The following SLC1A1 variants were observed in gnomAD, a reference collection of about 807,000 sequenced individuals.
SLC1A1 encodes solute carrier family 1 member 1, also known as excitatory amino acid transporter 3.
SLC1A1 carries 43 observed loss-of-function variants against 53.3 expected under a neutral mutation model. That is an observed-to-expected ratio of 0.81 (90% confidence interval 0.63 to 1.04). The LOEUF is 1.04. SLC1A1 is among the 50% of genes least tolerant of loss of function. The pLI, the probability that SLC1A1 is intolerant of heterozygous loss-of-function variation, is 0.00. For missense variants in SLC1A1, 748 were observed against 664.9 expected (o/e 1.12, Z -1.37); for synonymous variants, 307 against 243.2 (o/e 1.26, Z -2.44).
Position 4,572,190 on chromosome 9 carries a change from G to C in SLC1A1, c.583-14G>C, listed in dbSNP as rs1820120555. On this transcript the variant is annotated splice_polypyrimidine_tract_variant and intron_variant, in intron 6 of 11. Coordinates refer to ENST00000262352, the MANE Select transcript of SLC1A1 (RefSeq NM_004170.6). Reference sequence around the variant, plus strand: ...AATCGTGCATCAATATGTTTTCTTGGTTTTGATCCACAGAACAAAACAAAG... The same window carrying C: ...AATCGTGCATCAATATGTTTTCTTGCTTTTGATCCACAGAACAAAACAAAG... 1 of 1,609,094 alleles carries C rather than the reference G, an allele frequency of 6.2e-7. No individual in the cohort carries two copies. The highest frequency in any genetic ancestry group is 8.5e-7 in the Non-Finnish European group (1 of 1,175,770).
intron 6 of SLC1A1, among the ~76,000 whole-genome samples, chr9:4,569,153 T>G (rs1819786832): frequency 6.6e-6 from 1 of 152,180 alleles, no homozygotes; most frequent in Non-Finnish European, 1.5e-5. Flanking sequence ...GAAACTGCTA[T>G]AGATTTGTCA....
At chr9:4,546,309 T>C (rs79684282) in intron 2 of SLC1A1, among the ~76,000 whole-genome samples, 3,270 of 152,338 alleles carry the variant, frequency 0.021, 124 homozygotes, top group African/African-American at 0.074. Context: ...AGCAACCTGA[T>C]TGACACAGCC....
chr9:4,552,477 C>T (rs561384748), intron 2 of SLC1A1, among the ~76,000 whole-genome samples: 3 of 152,156 alleles, frequency 2.0e-5, no homozygotes, highest in South Asian at 2.1e-4. Context: ...ATGCTGGAAA[C>T]GTGGGCAAGA....
chr9:4,557,645 A>G (rs1386189343), intron 2 of SLC1A1, among the ~76,000 whole-genome samples: 7 of 152,140 alleles, frequency 4.6e-5, no homozygotes, highest in Non-Finnish European at 1.0e-4. Flanking sequence ...AAATTAAAAT[A>G]GATTAATTAA....
intron 1 of SLC1A1, among the ~76,000 whole-genome samples, chr9:4,529,985 A>G (rs186780319): frequency 6.6e-6 from 1 of 152,338 alleles, no homozygotes; most frequent in Admixed American, 6.5e-5. Flanking sequence ...AATATTGTAC[A>G]TGTATTTTCT....
At chr9:4,521,840 C>T (rs999313871) in intron 1 of SLC1A1, among the ~76,000 whole-genome samples, 2 of 152,030 alleles carry the variant, frequency 1.3e-5, no homozygotes. Context: ...TTATTCAAGA[C>T]CTTTACAAAG....
chr9:4,581,286 A>T (rs1342319023), intron 10 of SLC1A1, among the ~76,000 whole-genome samples: 1 of 152,242 alleles, frequency 6.6e-6, no homozygotes, highest in Non-Finnish European at 1.5e-5. Context: ...GTGTGAGGAA[A>T]GAACTTTGTA....
chr9:4,553,639 T>A (rs894464078), intron 2 of SLC1A1: 6 of 152,350 alleles, frequency 3.9e-5, no homozygotes, highest in African/African-American at 1.4e-4. Flanking sequence ...AGTGCTGGGA[T>A]TACAGGCATG....
rs775964685 is a variant in SLC1A1, at chr9:4,576,679, C to T, written c.1109C>T (p.Thr370Ile). Residue 370 changes from threonine (T) to isoleucine (I), a missense_variant, in exon 10 of 12, where the codon ACT (threonine) becomes ATT (isoleucine). Thr to Ile is a moderately conservative substitution (Grantham distance 89). Transcript: ENST00000262352. ...PVGATINMDG[T>I]ALYEAVAAVF... The stretch of plus-strand genomic sequence containing the variant: ...GGTGCAACAATCAACATGGATGGGA[C>T]TGCGCTCTATGAAGCAGTGGCAGCG... The T allele has an allele frequency of 1.2e-6, 2 of 1,614,168 alleles. No homozygotes were observed. The highest frequency in any genetic ancestry group is 4.5e-5 in the East Asian group (2 of 44,880).
chr9:4,568,139 G>C (rs1819660850), intron 6 of SLC1A1, among the ~76,000 whole-genome samples: 1 of 152,064 alleles, frequency 6.6e-6, no homozygotes, highest in South Asian at 2.1e-4. Flanking sequence ...ATGGACCAAG[G>C]TGGGGTTCAG....
intron 1 of SLC1A1, among the ~76,000 whole-genome samples, chr9:4,537,811 T>TG (rs879846479): frequency 7.9e-5 from 12 of 151,912 alleles, no homozygotes; most frequent in Admixed American, 2.6e-4. Context: ...TGTGGAATTT[T>TG]GGGGGGGTAA....
At chr9:4,520,842 A>G (rs1816044556) in intron 1 of SLC1A1, among the ~76,000 whole-genome samples, 1 of 152,224 alleles carries the variant, frequency 6.6e-6, no homozygotes, top group South Asian at 2.1e-4. Context: ...ACTGCCAAAC[A>G]GTCTTCCACA....
At chr9:4,498,141 C>A (rs927016454) in intron 1 of SLC1A1, among the ~76,000 whole-genome samples, 1 of 152,242 alleles carries the variant, frequency 6.6e-6, no homozygotes, top group East Asian at 1.9e-4. Context: ...TTCCTCAGTT[C>A]ATTGCTGGGA....
chr9:4,521,261 G>A (rs1816060788), intron 1 of SLC1A1, among the ~76,000 whole-genome samples: 1 of 152,072 alleles, frequency 6.6e-6, no homozygotes, highest in African/African-American at 2.4e-5. Flanking sequence ...CTGCCATATT[G>A]TGAAGCTTGG....
chr9:4,572,190 GT>G lies in SLC1A1; in HGVS notation c.583-10del. ...AATCGTGCATCAATATGTTTTCTTG[GT>G]TTTGATCCACAGAACAAAACAAAGG... On this transcript the variant is annotated splice_polypyrimidine_tract_variant and intron_variant, in intron 6 of 11. Coordinates refer to ENST00000262352, the MANE Select transcript of SLC1A1 (RefSeq NM_004170.6). The G allele has an allele frequency of 1.2e-6, 2 of 1,609,214 alleles. No homozygotes were observed. The highest frequency in any genetic ancestry group is 1.7e-6 in the Non-Finnish European group (2 of 1,175,764).
intron 1 of SLC1A1, among the ~76,000 whole-genome samples, chr9:4,517,064 T>G (rs1458086827): frequency 6.6e-6 from 1 of 152,194 alleles, no homozygotes; most frequent in Non-Finnish European, 1.5e-5. Flanking sequence ...TCTTTATCTG[T>G]AAATAACAGG....
At chr9:4,570,750 G>A in intron 6 of SLC1A1, among the ~76,000 whole-genome samples, 1 of 151,986 alleles carries the variant, frequency 6.6e-6, no homozygotes, top group East Asian at 1.9e-4. Flanking sequence ...CCAGGATAAA[G>A]TGAAGAAATT....
In SLC1A1 at chr9:4,490,485, G is replaced by A. The variant is rs1262529327; in HGVS notation, c.-195G>A. 2.7e-6 allele frequency: 1 copy of A among 367,464 alleles called. No individual in the cohort carries two copies. The highest frequency in any genetic ancestry group is 4.9e-6 in the Non-Finnish European group (1 of 205,828). 22.8% of individuals were successfully genotyped at this position (367,464 alleles called of 1,614,324 possible). ...CCTGCCACGCAAAACTACCGGGCTG[G>A]CAGGGCGGCGGGCGCGGTGCGCGAT... On this transcript the variant is annotated 5_prime_UTR_variant, in exon 1 of 12. Coordinates refer to ENST00000262352, the MANE Select transcript of SLC1A1 (RefSeq NM_004170.6).
intron 1 of SLC1A1, among the ~76,000 whole-genome samples, chr9:4,496,966 G>C (rs892407914): frequency 1.3e-5 from 2 of 152,090 alleles, no homozygotes; most frequent in Non-Finnish European, 2.9e-5. Context: ...AGTGAGGCCT[G>C]GGACAGTAGA....
Sources: allele counts gnomAD v4.1 joint callset (sites outside exome capture counted in the v4.1 genomes callset), GRCh38; gene constraint gnomAD v4.1.1; transcripts MANE v1.5; gene names NCBI Gene and HGNC (gene_info 2026-07-23, HGNC 2026-07-21).